C5: variants seen among roughly 807,000 people sequenced by gnomAD.
C5 encodes C3 and PZP-like alpha-2-macroglobulin domain-containing protein 4.
C5 carries 140 observed loss-of-function variants against 218.8 expected under a neutral mutation model. The observed-to-expected ratio is 0.64, with a 90% CI of 0.56 to 0.74. C5 has a LOEUF of 0.74. Among genes scored for constraint, C5 ranks in the 30% least tolerant of loss-of-function variants. The pLI is 0.00. For missense variants in C5, 1,700 were observed against 1,969.6 expected (o/e 0.86, Z 2.59); for synonymous variants, 614 against 682.3 (o/e 0.90, Z 1.56).
At chr9:121,028,602 C>T (rs1035117521) in intron 7 of C5, among the ~76,000 whole-genome samples, 1 of 152,094 alleles carries the variant, frequency 6.6e-6, no homozygotes, top group Non-Finnish European at 1.5e-5. Flanking sequence ...GGACAGAAAA[C>T]CAAATGCCGC....
At chr9:121,018,666 G>GAAA (rs2047332799) in intron 12 of C5, among the ~76,000 whole-genome samples, 1 of 44,708 alleles carries the variant, frequency 2.2e-5, no homozygotes, top group African/African-American at 8.1e-5. Flanking sequence ...AAAGAAGGAA[G>GAAA]GAAGGAAGGA....
intron 9 of C5, 67 bp downstream of exon 9, chr9:121,025,387 T>C: frequency 4.2e-6 from 6 of 1,417,626 alleles, no homozygotes; most frequent in Non-Finnish European, 5.6e-6. Flanking sequence ...ATATCTTTAA[T>C]ATTCTGTCTA....
At chr9:120,956,007 G>T (rs892690677) in intron 39 of C5, among the ~76,000 whole-genome samples, 1 of 151,830 alleles carries the variant, frequency 6.6e-6, no homozygotes, top group African/African-American at 2.4e-5. Flanking sequence ...TATATCAATC[G>T]AAATGAGGCC....
At chr9:120,986,155 G>C (rs574731310) in intron 25 of C5, among the ~76,000 whole-genome samples, 44 of 152,158 alleles carry the variant, frequency 2.9e-4, no homozygotes, top group South Asian at 1.0e-3. Context: ...ACCAACCTTA[G>C]TCTCTTGAGT....
chr9:121,049,667 G>T (rs920913973), intron 1 of C5, among the ~76,000 whole-genome samples: 4 of 152,014 alleles, frequency 2.6e-5, no homozygotes, highest in African/African-American at 9.7e-5. Flanking sequence ...AATATTTCTA[G>T]ATATAAGATC....
chr9:120,981,977 G>A, intron 26 of C5, 38 bp from the exon 27 acceptor site: 2 of 1,382,652 alleles, frequency 1.4e-6, no homozygotes, highest in Middle Eastern at 1.8e-4. Flanking sequence ...GAGTGAAATG[G>A]TGTCTTTAAG....
the C5 span, among the ~76,000 whole-genome samples, chr9:121,064,092 C>T: frequency 6.6e-6 from 1 of 152,168 alleles, no homozygotes; most frequent in East Asian, 1.9e-4. Context: ...TTTACTTATT[C>T]ACTTTGTTCT....
intron 4 of C5, 47 bp downstream of exon 4, chr9:121,037,834 T>G (rs1164150739): frequency 1.2e-6 from 1 of 830,164 alleles, no homozygotes; most frequent in Admixed American, 2.2e-5. Context: ...GAGATTCTTG[T>G]CCTGAAAAAT....
chr9:120,978,728 A>G (rs1463598750), intron 28 of C5, among the ~76,000 whole-genome samples: 1 of 152,206 alleles, frequency 6.6e-6, no homozygotes, highest in African/African-American at 2.4e-5. Context: ...CTCTTGACCT[A>G]TAGGAAGCAG....
intron 3 of C5, among the ~76,000 whole-genome samples, chr9:121,041,566 A>G (rs2416812): frequency 0.74 from 112,745 of 151,764 alleles, 42,339 homozygotes; most frequent in East Asian, 0.96. Context: ...GACTCCCAAA[A>G]TGCTGGGATT....
intron 25 of C5, among the ~76,000 whole-genome samples, chr9:120,987,565 G>T (rs2047042168): frequency 6.7e-6 from 1 of 149,204 alleles, no homozygotes. Flanking sequence ...TTGAACCCGG[G>T]AGGCGGAGGT....
At chr9:121,056,423 C>A in the C5 span, among the ~76,000 whole-genome samples, 1 of 152,108 alleles carries the variant, frequency 6.6e-6, no homozygotes, top group Non-Finnish European at 1.5e-5. Context: ...TTTTTTAAAT[C>A]AAATGGAAAT....
At position 120,952,739 on chromosome 9, in the gene C5, T is replaced by C. The variant is rs140229894; in HGVS notation, c.5031A>G (p.Ter1677=). The change falls in exon 41 of 41, where the codon TAA becomes TAG. Residue 1677 remains the stop codon, a stop_retained_variant. Transcript: ENST00000223642. Reference sequence around the variant, plus strand: ...TGTATGCAGCTGAACTTCAGGAATTTTAGCATCCATTTAAAAAGATATCTT... The same window carrying C: ...TGTATGCAGCTGAACTTCAGGAATTCTAGCATCCATTTAAAAAGATATCTT... ...FAEDIFLNGC[*] 361 of 1,612,570 alleles carry C rather than the reference T, an allele frequency of 2.2e-4. 1 individual carries two copies. In the African/African-American group the frequency reaches 4.0e-3, roughly 18 times the overall value.
intron 7 of C5, among the ~76,000 whole-genome samples, chr9:121,030,087 G>T (rs149834726): frequency 6.6e-6 from 1 of 152,274 alleles, no homozygotes. Flanking sequence ...AAGATAGGAA[G>T]TGAATCCTTC....
intron 3 of C5, among the ~76,000 whole-genome samples, chr9:121,040,804 G>T (rs1349978696): frequency 2.0e-5 from 3 of 152,192 alleles, no homozygotes; most frequent in Admixed American, 6.5e-5. Flanking sequence ...GCTGTGACTT[G>T]AACCCAGACA....
At chr9:120,993,881 A>C (rs879601636) in intron 22 of C5, among the ~76,000 whole-genome samples, 1 of 152,132 alleles carries the variant, frequency 6.6e-6, no homozygotes. Context: ...GAGTGGGTAC[A>C]CTTGGAGGAA....
Position 120,963,624 on chromosome 9 carries a change from G to T in C5, c.4323+12C>A. Reference sequence around the variant, plus strand: ...GAAGCATTCACAACACGATTTAAAAGAAAACACATACGGCTTTTAAGTCTT... The same window carrying T: ...GAAGCATTCACAACACGATTTAAAATAAAACACATACGGCTTTTAAGTCTT... On this transcript the variant is annotated intron_variant, in intron 34 of 40. Transcript: ENST00000223642. 1 of 1,581,204 alleles carries T rather than the reference G, an allele frequency of 6.3e-7. No homozygotes were observed. The highest frequency in any genetic ancestry group is 1.1e-5 in the South Asian group (1 of 90,296).
intron 30 of C5, among the ~76,000 whole-genome samples, chr9:120,974,528 C>T (rs1388454163): frequency 6.6e-6 from 1 of 152,224 alleles, no homozygotes; most frequent in African/African-American, 2.4e-5. Context: ...TCTGTACTTC[C>T]ATGTACCTAT....
the C5 span, among the ~76,000 whole-genome samples, chr9:121,058,190 T>C: frequency 1.3e-5 from 2 of 152,244 alleles, no homozygotes; most frequent in East Asian, 3.8e-4. Context: ...GTTATTGTGA[T>C]AATTAACTTG....
Sources: allele counts gnomAD v4.1 joint callset (sites outside exome capture counted in the v4.1 genomes callset), GRCh38; gene constraint gnomAD v4.1.1; transcripts MANE v1.5; gene names NCBI Gene and HGNC (gene_info 2026-07-23, HGNC 2026-07-21).